The following PHACTR3 variants were observed in gnomAD, a reference collection of about 807,000 sequenced individuals.
PHACTR3 encodes phosphatase and actin regulator 3, also known as protein phosphatase 1, regulatory subunit 123.
Under a neutral mutation model 66.8 loss-of-function variants are expected in PHACTR3, and 16 were observed. The observed-to-expected ratio is 0.24, with a 90% confidence interval of 0.16 to 0.36. PHACTR3 has a LOEUF of 0.36. PHACTR3 is among the 10% of genes least tolerant of loss of function. The pLI is 1.00. For missense variants in PHACTR3, 647 were observed against 719.9 expected, an observed-to-expected ratio of 0.90 and a Z score of 1.16; for synonymous variants, 323 against 292.1, an observed-to-expected ratio of 1.11 and a Z score of -1.08.
chr20:59,744,105 C>T (rs950111083), intron 2 of PHACTR3, among the ~76,000 whole-genome samples: 3 of 152,220 alleles, frequency 2.0e-5, no homozygotes, highest in Non-Finnish European at 4.4e-5. Flanking sequence ...CGGCAGAACA[C>T]GGCCCCCCAG....
At chr20:59,643,563 G>A (rs1230474994) in intron 1 of PHACTR3, among the ~76,000 whole-genome samples, 7 of 152,280 alleles carry the variant, frequency 4.6e-5, no homozygotes, top group Middle Eastern at 3.4e-3. Flanking sequence ...ACATTTGCTC[G>A]TTCTTCACAG....
chr20:59,815,849 A>G (rs536078984), intron 8 of PHACTR3, among the ~76,000 whole-genome samples: 3 of 152,166 alleles, frequency 2.0e-5, no homozygotes, highest in East Asian at 1.9e-4. Context: ...GTGTGCAAAC[A>G]TCTCCTATGG....
intron 1 of PHACTR3, among the ~76,000 whole-genome samples, chr20:59,623,340 T>C (rs1367037486): frequency 6.6e-6 from 1 of 152,104 alleles, no homozygotes; most frequent in East Asian, 1.9e-4. Context: ...ATGGGAACTA[T>C]AGTATTGTAC....
At chr20:59,621,684 C>T (rs1310371385) in intron 1 of PHACTR3, among the ~76,000 whole-genome samples, 1 of 152,184 alleles carries the variant, frequency 6.6e-6, no homozygotes, top group Non-Finnish European at 1.5e-5. Flanking sequence ...CCTGAAGGAG[C>T]TGTACAAAAG....
At chr20:59,613,714 C>G (rs2033934901) in intron 1 of PHACTR3, among the ~76,000 whole-genome samples, 1 of 152,136 alleles carries the variant, frequency 6.6e-6, no homozygotes, top group Non-Finnish European at 1.5e-5. Flanking sequence ...TGCATGTGGC[C>G]TGTAGTTGCC....
At chr20:59,836,204 G>C (rs1600745726) in intron 8 of PHACTR3, 1 of 314,694 alleles carries the variant, frequency 3.2e-6, no homozygotes. Context: ...CTGCTCCGGT[G>C]AACAGTCCAG....
At chr20:59,731,078 T>A (rs1404511869) in intron 1 of PHACTR3, among the ~76,000 whole-genome samples, 1 of 152,190 alleles carries the variant, frequency 6.6e-6, no homozygotes, top group Non-Finnish European at 1.5e-5. Flanking sequence ...CTTTAACCTT[T>A]TGCTGATATT....
intron 1 of PHACTR3, among the ~76,000 whole-genome samples, chr20:59,692,695 C>T (rs1336522919): frequency 2.0e-5 from 3 of 152,192 alleles, no homozygotes; most frequent in African/African-American, 7.2e-5. Context: ...TAGACCGTGC[C>T]TCCTCTTGGC....
chr20:59,709,805 T>A (rs1279075773), intron 1 of PHACTR3, among the ~76,000 whole-genome samples: 5 of 152,010 alleles, frequency 3.3e-5, no homozygotes, highest in Admixed American at 3.3e-4. Context: ...GGTGGAACAC[T>A]AGTTTCCTGA....
At position 59,830,733 on chromosome 20, in the gene PHACTR3, A is replaced by G. The variant is rs1029921735; in HGVS notation, c.1329-5772A>G. 6.6e-6 allele frequency among the ~76,000 whole-genome samples: 1 copy of G among 152,160 alleles called. No homozygotes were observed. ...TGTATTTAGTGTTCTCGACTCTCCC[A>G]GCATCCCTGTGGGTTTTGTTGGCAG... On this transcript the variant is annotated intron_variant, in intron 8 of 12. Transcript: ENST00000371015. This position sits in a 1 kb window ranked among gnomAD's most constrained non-coding sequence, Gnocchi z 5.8.
intron 2 of PHACTR3, among the ~76,000 whole-genome samples, chr20:59,745,370 T>C (rs371959752): frequency 3.5e-4 from 53 of 152,270 alleles, no homozygotes; most frequent in African/African-American, 1.2e-3. Flanking sequence ...CTGGGCTCTT[T>C]GGCCTACTCC....
At chr20:59,818,630 T>C (rs2145409820) in intron 8 of PHACTR3, among the ~76,000 whole-genome samples, 1 of 152,300 alleles carries the variant, frequency 6.6e-6, no homozygotes. Context: ...GTCCTGTGGG[T>C]ACTCGGTGAT....
At chr20:59,591,505 T>G (rs2146312762) in intron 1 of PHACTR3, among the ~76,000 whole-genome samples, 1 of 152,272 alleles carries the variant, frequency 6.6e-6, no homozygotes. Flanking sequence ...GAGGTGTTTT[T>G]GGGTGAGGTG....
intron 1 of PHACTR3, among the ~76,000 whole-genome samples, chr20:59,660,244 C>T (rs987643494): frequency 6.6e-6 from 1 of 152,182 alleles, no homozygotes; most frequent in Non-Finnish European, 1.5e-5. Flanking sequence ...CCTGTAATCC[C>T]AGCACTTTGG....
At chr20:59,650,097 A>G (rs1220077664) in intron 1 of PHACTR3, among the ~76,000 whole-genome samples, 1 of 152,200 alleles carries the variant, frequency 6.6e-6, no homozygotes, top group East Asian at 1.9e-4. Flanking sequence ...CATATTTTCT[A>G]TGACAGGTTT....
intron 1 of PHACTR3, among the ~76,000 whole-genome samples, chr20:59,653,572 T>C (rs2035526551): frequency 6.6e-6 from 1 of 152,184 alleles, no homozygotes; most frequent in South Asian, 2.1e-4. Flanking sequence ...TGCTAGCATA[T>C]GTAAATAAAA....
At chr20:59,780,300 G>A (rs181656815) in intron 7 of PHACTR3, among the ~76,000 whole-genome samples, 2 of 152,316 alleles carry the variant, frequency 1.3e-5, no homozygotes, top group East Asian at 3.9e-4. Flanking sequence ...CTTCATCCAT[G>A]CTGTAGTCTT....
At chr20:59,663,981 G>T (rs540506204) in intron 1 of PHACTR3, among the ~76,000 whole-genome samples, 1 of 152,118 alleles carries the variant, frequency 6.6e-6, no homozygotes, top group Non-Finnish European at 1.5e-5. Context: ...ATATTGAAAC[G>T]TCCATGTTAC....
chr20:59,581,806 G>A (rs143219423), intron 1 of PHACTR3, among the ~76,000 whole-genome samples: 32 of 152,000 alleles, frequency 2.1e-4, no homozygotes, highest in Middle Eastern at 6.8e-3. Flanking sequence ...GCGTGAACCC[G>A]GTAGGCGGAG....
Sources: gnomAD v4.1 joint callset for allele counts (sites outside exome capture counted in the v4.1 genomes callset) on GRCh38, gnomAD v4.1.1 for gene constraint, Gnocchi (gnomAD v3.1) non-coding constraint, MANE v1.5 for transcripts, NCBI Gene and HGNC (gene_info 2026-07-23, HGNC 2026-07-21) for gene names.